The following ARHGDIB variants were observed in gnomAD, a reference collection of about 807,000 sequenced individuals.
The protein encoded by ARHGDIB is Rho GDP dissociation inhibitor beta.
ARHGDIB carries 20 observed loss-of-function variants against 22.6 expected under a neutral mutation model. That is an observed-to-expected ratio of 0.88 (90% CI 0.62 to 1.28). The LOEUF is 1.28. ARHGDIB is among the 50% of genes most tolerant of loss of function. The pLI is 0.00. For synonymous variants in ARHGDIB, 114 were observed against 96.1 expected, an observed-to-expected ratio of 1.19 and a Z score of -1.09; for missense variants, 254 against 245.4, an observed-to-expected ratio of 1.04 and a Z score of -0.23.
At chr12:14,950,951 C>T in intron 1 of ARHGDIB, 1 of 373,770 alleles carries the variant, frequency 2.7e-6, no homozygotes, top group Non-Finnish European at 4.8e-6. Context: ...GTAGTATCTT[C>T]TATTCACTGA....
chr12:14,948,084 T>A, intron 3 of ARHGDIB, 135 bp from the exon 4 acceptor site: 1 of 646,928 alleles, frequency 1.5e-6, no homozygotes, highest in Non-Finnish European at 2.8e-6. Context: ...TCACAGAGTA[T>A]TTGAGTTTAG....
intron 1 of ARHGDIB, among the ~76,000 whole-genome samples, chr12:14,952,944 C>G (rs562411511): frequency 2.0e-5 from 3 of 152,048 alleles, no homozygotes; most frequent in Non-Finnish European, 4.4e-5. Context: ...TATGCAGGCT[C>G]AAATCTCAAT....
At chr12:14,951,521 G>A (rs16910399) in intron 1 of ARHGDIB, among the ~76,000 whole-genome samples, 2,250 of 152,010 alleles carry the variant, frequency 0.015, 45 homozygotes, top group African/African-American at 0.049. Context: ...AGACAAAATC[G>A]TAAGTACAAA....
At chr12:14,944,685 C>G in intron 5 of ARHGDIB, 91 bp downstream of exon 5, 1 of 1,255,776 alleles carries the variant, frequency 8.0e-7, no homozygotes, top group Admixed American at 1.9e-5. Context: ...GTATTCTCAT[C>G]TGAGTCTATA....
At chr12:14,943,801 T>A (rs1262029502) in intron 5 of ARHGDIB, among the ~76,000 whole-genome samples, 1 of 152,220 alleles carries the variant, frequency 6.6e-6, no homozygotes, top group African/African-American at 2.4e-5. Context: ...AGGTGGCATA[T>A]AGTTGGCTAA....
chr12:14,944,525 C>T lies in ARHGDIB; in HGVS notation c.406+251G>A, dbSNP rs115283151. ...TTATCTTGGTTACTCTTCTCCTTTA[C>T]GAGTGATAATATTGAATCCAAAAAG... On this transcript the variant is annotated intron_variant, in intron 5 of 5. Transcript: ENST00000228945. Among the ~76,000 whole-genome samples the T allele has an allele frequency of 1.8e-3, 278 of 152,244 alleles. 2 individuals are homozygous for T. The highest frequency in any genetic ancestry group is 6.4e-3 in the African/African-American group (265 of 41,538).
intron 4 of ARHGDIB, among the ~76,000 whole-genome samples, chr12:14,946,309 T>C (rs1263664264): frequency 2.0e-5 from 3 of 152,180 alleles, no homozygotes; most frequent in African/African-American, 7.2e-5. Context: ...GGTCAGGTTT[T>C]TAGAAAGTGC....
chr12:14,957,720 A>T (rs1565465846), intron 1 of ARHGDIB, among the ~76,000 whole-genome samples: 1 of 152,142 alleles, frequency 6.6e-6, no homozygotes, highest in African/African-American at 2.4e-5. Flanking sequence ...TACCACAGAG[A>T]CTTAACTCAC....
At chr12:14,947,814 A>T (rs1864056626) in intron 4 of ARHGDIB, 59 bp downstream of exon 4, 1 of 1,339,124 alleles carries the variant, frequency 7.5e-7, no homozygotes, top group Non-Finnish European at 1.1e-6. Flanking sequence ...CAAGAAATGT[A>T]GTCACTGATT....
chr12:14,950,726 T>C lies in ARHGDIB; in HGVS notation c.-12-2A>G, dbSNP rs1042964582. ...TTTTTCAGTCATTCTGATCTATTTC[T>C]GGGAGACAGAATGACAGCCCGTTAG... On this transcript the variant is annotated splice_acceptor_variant, in intron 1 of 5. Transcript: ENST00000228945. LOFTEE classifies it low-confidence loss of function (5UTR_SPLICE). The C allele has an allele frequency of 9.4e-6, 15 of 1,588,454 alleles. No individual in the cohort carries two copies. The highest frequency in any genetic ancestry group is 1.4e-5 in the African/African-American group (1 of 73,396).
intron 1 of ARHGDIB, among the ~76,000 whole-genome samples, chr12:14,956,533 T>C (rs1864304857): frequency 6.6e-6 from 1 of 152,192 alleles, no homozygotes; most frequent in African/African-American, 2.4e-5. Flanking sequence ...TCATCCCCTA[T>C]TCTACAAAGG....
chr12:14,961,326 C>T (rs950641283), intron 1 of ARHGDIB: 1 of 152,268 alleles, frequency 6.6e-6, no homozygotes, highest in East Asian at 1.9e-4. Flanking sequence ...TTTTTTAAGC[C>T]TCCTCCCCTG....
At chr12:14,950,760 T>G (rs1430251073) in intron 1 of ARHGDIB, 36 bp from the exon 2 acceptor site, 2 of 1,534,906 alleles carry the variant, frequency 1.3e-6, no homozygotes, top group African/African-American at 2.8e-5. Context: ...AGTCAACAAG[T>G]CATGAATATA....
At position 14,947,926 on chromosome 12, in the gene ARHGDIB, C is replaced by T; in HGVS notation, c.289G>A (p.Glu97Lys). ...GAACCTTCCTTTAACACAATGGTTT[C>T]CTTTTTGAGGGCTTCCAGATCTCCT... ...LTGDLEALKKETIVLKEGSEY... is the reference protein window; with the variant it reads ...LTGDLEALKKKTIVLKEGSEY... The change falls in exon 4 of 6, where the codon GAA becomes AAA. Residue 97 changes from glutamate to lysine, a missense_variant. Physicochemically the swap from Glu to Lys is moderately conservative, Grantham distance 56. Transcript: ENST00000228945. 1 of 1,613,016 alleles carries T rather than the reference C, an allele frequency of 6.2e-7. No homozygotes were observed. The highest frequency in any genetic ancestry group is 8.5e-7 in the Non-Finnish European group (1 of 1,179,050).
At chr12:14,960,238 T>C (rs561712422) in intron 1 of ARHGDIB, among the ~76,000 whole-genome samples, 1 of 152,316 alleles carries the variant, frequency 6.6e-6, no homozygotes, top group East Asian at 1.9e-4. Context: ...CAAGTTACCA[T>C]AGGTCTAGAG....
chr12:14,950,797 C>T (rs1224055705), intron 1 of ARHGDIB, 73 bp from the exon 2 acceptor site: 1 of 1,303,968 alleles, frequency 7.7e-7, no homozygotes, highest in East Asian at 2.4e-5. Context: ...CTGCTGTTAG[C>T]AGCCTCCTTA....
intron 1 of ARHGDIB, among the ~76,000 whole-genome samples, chr12:14,957,668 G>A (rs1482146521): frequency 6.6e-6 from 1 of 152,130 alleles, no homozygotes; most frequent in African/African-American, 2.4e-5. Context: ...GTGAACACAG[G>A]CACAGCTAAT....
At chr12:14,948,847 T>C (rs1439353301) in intron 3 of ARHGDIB, 1 of 152,446 alleles carries the variant, frequency 6.6e-6, no homozygotes, top group Non-Finnish European at 1.5e-5. Flanking sequence ...AGCGTGAGTT[T>C]CTCTCCTGGA....
intron 4 of ARHGDIB, among the ~76,000 whole-genome samples, chr12:14,945,964 C>G (rs929295608): frequency 6.6e-6 from 1 of 152,130 alleles, no homozygotes; most frequent in Non-Finnish European, 1.5e-5. Flanking sequence ...CTAGATGTCC[C>G]GAAGCTTATC....
Sources: allele counts gnomAD v4.1 joint callset (sites outside exome capture counted in the v4.1 genomes callset), GRCh38; gene constraint gnomAD v4.1.1; transcripts MANE v1.5; gene names NCBI Gene and HGNC (gene_info 2026-07-23, HGNC 2026-07-21).